The following TBC1D14 variants were observed in gnomAD, a reference collection of about 807,000 sequenced individuals.
The protein encoded by TBC1D14 is TBC1 domain family member 14.
A neutral mutation model predicts 79.0 loss-of-function variants in TBC1D14; 26 were observed. That is an observed-to-expected ratio of 0.33 (90% CI 0.24 to 0.46). TBC1D14 has a LOEUF of 0.46. Ranked by LOEUF, TBC1D14 falls within the 20% of genes least tolerant of loss-of-function variation. The pLI is 1.00. For missense variants in TBC1D14, 769 were observed against 887.6 expected (o/e 0.87, Z 1.70); for synonymous variants, 394 against 349.9 (o/e 1.13, Z -1.40).
At chr4:6,914,519 G>A (rs543629356) in intron 1 of TBC1D14, among the ~76,000 whole-genome samples, 1 of 152,312 alleles carries the variant, frequency 6.6e-6, no homozygotes, top group Admixed American at 6.5e-5. Context: ...GAGTGCCTCG[G>A]CTACTCAGGC....
chr4:7,015,907 G>C (rs187672621), intron 12 of TBC1D14, among the ~76,000 whole-genome samples: 1 of 152,196 alleles, frequency 6.6e-6, no homozygotes, highest in Admixed American at 6.5e-5. Context: ...TGTACTATTC[G>C]ACCAGAAAGG....
chr4:6,941,180 C>CTTTTTTT lies in TBC1D14; in HGVS notation c.722+17086_722+17092dup, dbSNP rs35201238. On this transcript the variant is annotated intron_variant, in intron 2 of 13. Transcript: ENST00000409757. Reference sequence around the variant, plus strand: ...ACTTGCCTGTATCTGAGGAAAGCAGCTTTTTTTTTTTTTTTTTTTTTTTGA... The same window carrying CTTTTTTT: ...ACTTGCCTGTATCTGAGGAAAGCAGCTTTTTTTTTTTTTTTTTTTTTTTTTTTTTTGA... Among the ~76,000 whole-genome samples the CTTTTTTT allele has an allele frequency of 1.4e-4, 12 of 87,766 alleles. 1 individual carries two copies. The highest frequency in any genetic ancestry group is 2.4e-4 in the Non-Finnish European group (11 of 46,546). The allele number at this position is 87,766 out of a possible 152,430, so 57.6% of individuals were successfully genotyped here. A position where few individuals can be genotyped will look rare whatever the true frequency, so the allele number is the denominator to read the frequency against.
Position 6,923,529 on chromosome 4 carries a change from GGCCCAA to G in TBC1D14, c.143_148del (p.Pro48_Lys49del). 1 of 1,614,148 alleles carries G rather than the reference GGCCCAA, an allele frequency of 6.2e-7. No individual in the cohort carries two copies. Reference sequence around the variant, plus strand: ...CGACTCCTCTCCGCGCCTGAGTACGGGCCCAAGCTGAAACTCAGGGCTTTAGAAGAC... The same window carrying G: ...CGACTCCTCTCCGCGCCTGAGTACGGGCTGAAACTCAGGGCTTTAGAAGAC... On this transcript the variant is annotated inframe_deletion, in exon 2 of 14. Transcript: ENST00000409757.
intron 2 of TBC1D14, among the ~76,000 whole-genome samples, chr4:6,965,886 T>C (rs1306291276): frequency 1.3e-5 from 2 of 152,164 alleles, no homozygotes; most frequent in Non-Finnish European, 2.9e-5. Context: ...ATTAACTATT[T>C]TGCTTCATGT....
chr4:7,012,717 C>T (rs576897600), intron 11 of TBC1D14, among the ~76,000 whole-genome samples: 3 of 152,276 alleles, frequency 2.0e-5, no homozygotes, highest in Non-Finnish European at 4.4e-5. Flanking sequence ...CACAGAATTA[C>T]TAGTGTTTAT....
intron 3 of TBC1D14, among the ~76,000 whole-genome samples, chr4:6,977,649 C>A (rs4386604): frequency 5.5e-5 from 8 of 146,180 alleles, no homozygotes; most frequent in African/African-American, 7.6e-5. Flanking sequence ...CGTCTCTGCC[C>A]GGCCGCCATC....
At chr4:6,987,712 G>A (rs1241971882) in intron 3 of TBC1D14, 4 of 277,252 alleles carry the variant, frequency 1.4e-5, no homozygotes, top group Non-Finnish European at 2.7e-5. Flanking sequence ...TTAGAGGTCA[G>A]AAGGGCCTCG....
chr4:6,934,504 C>T (rs565861514), intron 2 of TBC1D14, among the ~76,000 whole-genome samples: 2 of 151,934 alleles, frequency 1.3e-5, no homozygotes, highest in Non-Finnish European at 2.9e-5. Flanking sequence ...ACTAAAAATA[C>T]AAAAATTATC....
intron 5 of TBC1D14, among the ~76,000 whole-genome samples, chr4:6,997,670 A>C (rs1719203437): frequency 6.6e-6 from 1 of 152,240 alleles, no homozygotes; most frequent in South Asian, 2.1e-4. Context: ...GTATATGTAC[A>C]GTGGAATATT....
In TBC1D14 at chr4:7,031,671, C is replaced by T. The variant is rs942192318; in HGVS notation, c.*1279C>T. The T allele has an allele frequency of 1.3e-5, 2 of 152,290 alleles. No individual in the cohort carries two copies. Among genetic ancestry groups the T allele is most frequent in the African/African-American group, 4.8e-5 (2 of 41,468 alleles). The allele number at this position is 152,290 out of a possible 1,614,324, so 9.4% of individuals were successfully genotyped here. A position where few individuals can be genotyped will look rare whatever the true frequency, so the allele number is the denominator to read the frequency against. ...CTGGAAGCAGGGCCCACGTGGCGGTCCGCTGGCAGGCTGGTCCTGGGGAGC... is the reference window on the plus strand; with the variant it reads ...CTGGAAGCAGGGCCCACGTGGCGGTTCGCTGGCAGGCTGGTCCTGGGGAGC... On this transcript the variant is annotated 3_prime_UTR_variant, in exon 14 of 14. Coordinates refer to ENST00000409757, the MANE Select transcript of TBC1D14 (RefSeq NM_020773.3).
chr4:6,961,258 C>G (rs868444008), intron 2 of TBC1D14, among the ~76,000 whole-genome samples: 11 of 152,164 alleles, frequency 7.2e-5, no homozygotes, highest in African/African-American at 2.7e-4. Context: ...TGACGGCCCC[C>G]AGCGTGTTTC....
intron 3 of TBC1D14, among the ~76,000 whole-genome samples, chr4:6,977,577 C>A (rs1300997493): frequency 6.7e-6 from 1 of 149,794 alleles, no homozygotes; most frequent in Non-Finnish European, 1.5e-5. Context: ...TCTGCCTGGC[C>A]GCCCATCGTC....
chr4:6,916,674 T>C (rs1386277277), intron 1 of TBC1D14, among the ~76,000 whole-genome samples: 2 of 152,214 alleles, frequency 1.3e-5, no homozygotes, highest in Non-Finnish European at 2.9e-5. Context: ...TCCTCTTTGC[T>C]TCCTGCAGAA....
At chr4:6,957,097 G>A (rs1242333862) in intron 2 of TBC1D14, among the ~76,000 whole-genome samples, 1 of 152,186 alleles carries the variant, frequency 6.6e-6, no homozygotes, top group East Asian at 1.9e-4. Flanking sequence ...TGAGGGTGGC[G>A]CCGGCCAGCT....
intron 13 of TBC1D14, among the ~76,000 whole-genome samples, chr4:7,029,491 C>G (rs1240820388): frequency 6.6e-6 from 1 of 152,226 alleles, no homozygotes; most frequent in Non-Finnish European, 1.5e-5. Flanking sequence ...GGCGTGGAGC[C>G]TGTTAGTGTT....
chr4:7,005,288 CA>C (rs1720068132), intron 8 of TBC1D14, among the ~76,000 whole-genome samples: 1 of 152,182 alleles, frequency 6.6e-6, no homozygotes, highest in African/African-American at 2.4e-5. Flanking sequence ...GTAATCCCAG[CA>C]CTTTGGGAGG....
At chr4:7,028,048 C>T (rs1230311176) in intron 13 of TBC1D14, among the ~76,000 whole-genome samples, 2 of 145,016 alleles carry the variant, frequency 1.4e-5, no homozygotes, top group Non-Finnish European at 3.0e-5. Flanking sequence ...CACACACCTA[C>T]ACATTGCATA....
At chr4:7,020,309 A>G (rs1364935114) in intron 12 of TBC1D14, among the ~76,000 whole-genome samples, 2 of 152,242 alleles carry the variant, frequency 1.3e-5, no homozygotes, top group Non-Finnish European at 2.9e-5. Flanking sequence ...AACCATCTCC[A>G]ACTTTTAACA....
chr4:6,930,564 G>C (rs1711629482), intron 2 of TBC1D14, among the ~76,000 whole-genome samples: 1 of 152,198 alleles, frequency 6.6e-6, no homozygotes, highest in Non-Finnish European at 1.5e-5. Context: ...TTGGGAGGCT[G>C]AGGCGGGTAG....
Sources: gnomAD v4.1 joint callset for allele counts (sites outside exome capture counted in the v4.1 genomes callset) on GRCh38, gnomAD v4.1.1 for gene constraint, MANE v1.5 for transcripts, NCBI Gene and HGNC (gene_info 2026-07-23, HGNC 2026-07-21) for gene names.